The following BMP2K variants were observed in gnomAD, a reference collection of about 807,000 sequenced individuals.
The protein encoded by BMP2K is BMP2 inducible kinase, also known as BMP-2-inducible protein kinase.
A neutral mutation model predicts 116.0 loss-of-function variants in BMP2K; 74 were observed. The observed-to-expected ratio is 0.64, with a 90% confidence interval of 0.53 to 0.77. The LOEUF is 0.77. Ranked by LOEUF, BMP2K falls within the 30% of genes least tolerant of loss-of-function variation. The probability of loss-of-function intolerance (pLI) is 0.00; values close to 1 mark genes in which losing one functional copy is unlikely to be tolerated. For synonymous variants in BMP2K, 486 were observed against 502.5 expected, an observed-to-expected ratio of 0.97 and a Z score of 0.44; for missense variants, 1,365 against 1,403.6, an observed-to-expected ratio of 0.97 and a Z score of 0.44.
intron 10 of BMP2K, among the ~76,000 whole-genome samples, chr4:78,866,126 G>A (rs142848389): frequency 1.3e-5 from 2 of 152,154 alleles, no homozygotes; most frequent in African/African-American, 4.8e-5. Context: ...CTTGGTGAAG[G>A]GCTATCTTGA....
At chr4:78,839,301 A>T (rs763657387) in intron 3 of BMP2K, among the ~76,000 whole-genome samples, 3 of 152,114 alleles carry the variant, frequency 2.0e-5, no homozygotes, top group Non-Finnish European at 4.4e-5. Context: ...TGGTTTTCTC[A>T]TGTGGATGAT....
intron 2 of BMP2K, among the ~76,000 whole-genome samples, chr4:78,833,354 A>G (rs565985787): frequency 1.3e-5 from 2 of 152,226 alleles, no homozygotes; most frequent in South Asian, 4.1e-4. Flanking sequence ...TCACAGTTCA[A>G]TTTAAAAATA....
At chr4:78,798,917 C>T (rs191990830) in intron 1 of BMP2K, among the ~76,000 whole-genome samples, 30 of 152,258 alleles carry the variant, frequency 2.0e-4, no homozygotes, top group African/African-American at 6.3e-4. Context: ...CTTACTTTGT[C>T]TGAAATTTTA....
In BMP2K at chr4:78,890,752, C is replaced by T. The variant is rs78206326; in HGVS notation, c.2062+3468C>T. Among the ~76,000 whole-genome samples the T allele has an allele frequency of 4.9e-3, 747 of 152,248 alleles. 6 individuals are homozygous for T. Among genetic ancestry groups the T allele is most frequent in the African/African-American group, 0.017 (717 of 41,540 alleles). ...CTCTGCAATCAGAACTGGTTGCTTT[C>T]TGGAGCTGTCACACTTATAATTCTA... On this transcript the variant is annotated intron_variant, in intron 15 of 15. Coordinates refer to ENST00000502613, the MANE Select transcript of BMP2K (RefSeq NM_198892.2).
intron 15 of BMP2K, among the ~76,000 whole-genome samples, chr4:78,890,106 T>A (rs566407497): frequency 4.6e-5 from 7 of 152,294 alleles, no homozygotes; most frequent in African/African-American, 1.7e-4. Flanking sequence ...CAAAGTGATT[T>A]GTAAATTGAA....
rs902745861 is a variant in BMP2K, at chr4:78,847,133, CT to C, written c.669-47del. 1.6e-4 allele frequency: 164 copies of C among 1,017,374 alleles called. No homozygotes were observed. The African/African-American group carries it at 1.8e-3, about 11-fold the overall frequency. 63.0% of individuals were successfully genotyped at this position (1,017,374 alleles called of 1,614,324 possible). The stretch of plus-strand genomic sequence containing the variant: ...TATGTAGAAACAATGTATTATCTGT[CT>C]TTTTTTTATATATATATATATATCT... On this transcript the variant is annotated intron_variant, in intron 5 of 15. Coordinates refer to ENST00000502613, the MANE Select transcript of BMP2K (RefSeq NM_198892.2).
chr4:78,791,294 G>C (rs1727984759), intron 1 of BMP2K, among the ~76,000 whole-genome samples: 1 of 152,164 alleles, frequency 6.6e-6, no homozygotes, highest in African/African-American at 2.4e-5. Context: ...GGTCTATCAG[G>C]TAAAAAATGT....
rs114195652 is a variant in BMP2K, at chr4:78,853,575, G to T, written c.883+2519G>T. On this transcript the variant is annotated intron_variant, in intron 7 of 15. Transcript: ENST00000502613. The stretch of plus-strand genomic sequence containing the variant: ...AATAGTTATGAAGAATGTACTGAAA[G>T]CTGGCTGCCTCAGTTGTCTTTTGGC... Among the ~76,000 whole-genome samples, 849 of 152,212 alleles carry T rather than the reference G, an allele frequency of 5.6e-3. 11 individuals carry two copies. Among genetic ancestry groups the T allele is most frequent in the African/African-American group, 0.019 (804 of 41,536 alleles).
At chr4:78,862,542 G>A (rs1731847625) in intron 9 of BMP2K, among the ~76,000 whole-genome samples, 1 of 152,000 alleles carries the variant, frequency 6.6e-6, no homozygotes, top group African/African-American at 2.4e-5. Flanking sequence ...AGGAGTAGTG[G>A]GAAATGAAGC....
intron 1 of BMP2K, among the ~76,000 whole-genome samples, chr4:78,824,922 C>G (rs944986676): frequency 1.3e-5 from 2 of 152,182 alleles, no homozygotes; most frequent in Non-Finnish European, 2.9e-5. Flanking sequence ...GAATTCCCAG[C>G]CAGGCACTGT....
At chr4:78,797,086 A>G (rs778929619) in intron 1 of BMP2K, among the ~76,000 whole-genome samples, 1 of 152,206 alleles carries the variant, frequency 6.6e-6, no homozygotes, top group East Asian at 1.9e-4. Flanking sequence ...TAAATGTATT[A>G]ATTTTTTAAA....
At chr4:78,887,140 T>G in intron 14 of BMP2K, 34 bp from the exon 15 acceptor site, 1 of 1,361,466 alleles carries the variant, frequency 7.3e-7, no homozygotes, top group Non-Finnish European at 1.0e-6. Context: ...TTATTTCATT[T>G]CATTTTTTAT....
chr4:78,915,511 ATTGAG>A lies in BMP2K; in HGVS notation c.*3483_*3487del, dbSNP rs927594409. The A allele has an allele frequency of 2.0e-5, 3 of 151,524 alleles. No individual in the cohort carries two copies. The highest frequency in any genetic ancestry group is 7.3e-5 in the African/African-American group (3 of 41,252). The allele number at this position is 151,524 out of a possible 1,614,324, so 9.4% of individuals were successfully genotyped here. A position where few individuals can be genotyped will look rare whatever the true frequency, so the allele number is the denominator to read the frequency against. ...CAAACTTGTTATTTTAGGTCCAATTATTGAGTTGACAGTCTACTGTGAGAATGAGA... is the reference window on the plus strand; with the variant it reads ...CAAACTTGTTATTTTAGGTCCAATTATTGACAGTCTACTGTGAGAATGAGA... On this transcript the variant is annotated 3_prime_UTR_variant, in exon 16 of 16. Transcript: ENST00000502613.
intron 6 of BMP2K, among the ~76,000 whole-genome samples, chr4:78,849,171 T>G (rs1303090404): frequency 6.6e-6 from 1 of 151,328 alleles, no homozygotes; most frequent in Non-Finnish European, 1.5e-5. Context: ...GGATGCTGAT[T>G]TTATAAAGTA....
At chr4:78,908,984 C>T (rs184042589) in intron 15 of BMP2K, among the ~76,000 whole-genome samples, 5 of 149,354 alleles carry the variant, frequency 3.3e-5, no homozygotes, top group Non-Finnish European at 1.5e-5. Context: ...GTCATCTAGG[C>T]CACCAAAATC....
At position 78,901,632 on chromosome 4, in the gene BMP2K, C is replaced by T. The variant is rs76687675; in HGVS notation, c.2063-8978C>T. On this transcript the variant is annotated intron_variant, in intron 15 of 15. Transcript: ENST00000502613. The stretch of plus-strand genomic sequence containing the variant: ...GGTATTCATTCCCTTTCCTGAAACC[C>T]ACATTCCCTTTCTTCTCCCCAGGGC... 7.4e-3 allele frequency among the ~76,000 whole-genome samples: 1,121 copies of T among 152,188 alleles called. 5 individuals carry two copies. Among genetic ancestry groups the T allele is most frequent in the African/African-American group, 0.018 (731 of 41,540 alleles).
chr4:78,801,869 T>A (rs1728584849), intron 1 of BMP2K, among the ~76,000 whole-genome samples: 1 of 152,174 alleles, frequency 6.6e-6, no homozygotes, highest in Admixed American at 6.6e-5. Context: ...CGTCACTTTT[T>A]AAAAAATCTA....
chr4:78,900,614 A>C (rs537273254), intron 15 of BMP2K, among the ~76,000 whole-genome samples: 1 of 152,334 alleles, frequency 6.6e-6, no homozygotes, highest in South Asian at 2.1e-4. Context: ...GGCCTACCTT[A>C]CTTTGGCCAC....
chr4:78,859,759 G>T (rs1259357574), intron 8 of BMP2K, 72 bp downstream of exon 8: 7 of 1,103,262 alleles, frequency 6.3e-6, no homozygotes, highest in Non-Finnish European at 9.2e-6. Context: ...TACTTTCAGA[G>T]TTACTTTTTT....
Sources: gnomAD v4.1 joint callset for allele counts (sites outside exome capture counted in the v4.1 genomes callset) on GRCh38, gnomAD v4.1.1 for gene constraint, MANE v1.5 for transcripts, NCBI Gene and HGNC (gene_info 2026-07-23, HGNC 2026-07-21) for gene names.